The following NIPSNAP2 variants were observed in gnomAD, a reference collection of about 807,000 sequenced individuals.
The protein encoded by NIPSNAP2 is nipsnap homolog 2.
Under a neutral mutation model 48.4 loss-of-function variants are expected in NIPSNAP2, and 42 were observed. That is an observed-to-expected ratio of 0.87 (90% CI 0.68 to 1.12). The LOEUF (loss-of-function observed/expected upper bound fraction) is 1.12, where lower values mean the gene tolerates loss of function less well. NIPSNAP2 is among the 50% of genes most tolerant of loss of function. NIPSNAP2 has a pLI of 0.00. For synonymous variants in NIPSNAP2, 158 were observed against 126.6 expected, an observed-to-expected ratio of 1.25 and a Z score of -1.67; for missense variants, 314 against 347.3, an observed-to-expected ratio of 0.90 and a Z score of 0.76.
At chr7:55,970,697 A>C (rs1480534156) in intron 1 of NIPSNAP2, among the ~76,000 whole-genome samples, 1 of 152,056 alleles carries the variant, frequency 6.6e-6, no homozygotes, top group Non-Finnish European at 1.5e-5. Flanking sequence ...CGGTCCTCCC[A>C]CATGCTCTTC....
chr7:55,983,935 TGAC>T, intron 6 of NIPSNAP2, 67 bp downstream of exon 6: 1 of 1,446,570 alleles, frequency 6.9e-7, no homozygotes, highest in Non-Finnish European at 9.6e-7. Context: ...TTTGTAAGGC[TGAC>T]AACAGAACTT....
At chr7:55,998,169 G>A (rs1183458551) in intron 9 of NIPSNAP2, among the ~76,000 whole-genome samples, 1 of 151,850 alleles carries the variant, frequency 6.6e-6, no homozygotes, top group Non-Finnish European at 1.5e-5. Context: ...AGAGACTGAG[G>A]CAGGAGAATC....
chr7:55,981,627 TA>T, intron 4 of NIPSNAP2, 60 bp downstream of exon 4: 1 of 1,046,036 alleles, frequency 9.6e-7, no homozygotes, highest in Non-Finnish European at 1.5e-6. Context: ...AACACTTAAG[TA>T]ATTTTCTAAT....
chr7:55,982,667 G>T (rs2116353241), intron 5 of NIPSNAP2, among the ~76,000 whole-genome samples: 1 of 151,898 alleles, frequency 6.6e-6, no homozygotes, highest in Middle Eastern at 3.4e-3. Flanking sequence ...CAGGAGAATG[G>T]CGTGAACCCG....
intron 7 of NIPSNAP2, among the ~76,000 whole-genome samples, chr7:55,990,177 AT>A (rs557817490): frequency 9.0e-4 from 135 of 149,758 alleles, no homozygotes; most frequent in African/African-American, 2.7e-3. Context: ...GATTTATAGC[AT>A]TTTTTTTCTT....
chr7:55,988,574 T>C (rs1418998822), intron 7 of NIPSNAP2, among the ~76,000 whole-genome samples: 2 of 152,108 alleles, frequency 1.3e-5, no homozygotes, highest in African/African-American at 2.4e-5. Context: ...AGAAATTACA[T>C]GTGGGCTGGA....
chr7:55,965,675 G>A (rs1786879004), intron 1 of NIPSNAP2, among the ~76,000 whole-genome samples: 1 of 152,006 alleles, frequency 6.6e-6, no homozygotes, highest in Admixed American at 6.6e-5. Flanking sequence ...CCGCCTCCCG[G>A]GTTCAAGTAA....
intron 3 of NIPSNAP2, 118 bp downstream of exon 3, chr7:55,978,513 A>T: frequency 1.1e-6 from 1 of 942,678 alleles, no homozygotes; most frequent in Non-Finnish European, 1.6e-6. Context: ...TTGAAGCTGA[A>T]CATTCAGAGG....
chr7:55,980,703 T>C (rs1787196129), intron 3 of NIPSNAP2: 1 of 152,206 alleles, frequency 6.6e-6, no homozygotes, highest in Non-Finnish European at 1.5e-5. Flanking sequence ...GTTAAATTCA[T>C]ACACTGCCGT....
chr7:55,990,940 G>A (rs557209468), intron 7 of NIPSNAP2, among the ~76,000 whole-genome samples: 13 of 151,732 alleles, frequency 8.6e-5, no homozygotes, highest in African/African-American at 2.2e-4. Context: ...GGCGTGCACC[G>A]CCACACCTGG....
At chr7:55,984,717 CAAAAAA>C in intron 6 of NIPSNAP2, 124 bp from the exon 7 acceptor site, 64 of 491,704 alleles carry the variant, frequency 1.3e-4, no homozygotes, top group Admixed American at 2.7e-4. Context: ...GATTCTGTCT[CAAAAAA>C]AAAAAAAAAA....
chr7:55,974,269 AAAG>A (rs748448021), intron 1 of NIPSNAP2, among the ~76,000 whole-genome samples: 26,766 of 69,676 alleles, frequency 0.38, 2,762 homozygotes, highest in East Asian at 0.49. Context: ...AAAAAAAAAG[AAAG>A]AAAGAAAGAA....
rs1584344628 is a variant in NIPSNAP2, at chr7:55,981,523, T to C, written c.329T>C (p.Leu110Ser). The change falls in exon 4 of 10, where the codon TTG becomes TCG. Residue 110 changes from leucine to serine, a missense_variant. Leu to Ser is a moderately radical substitution (Grantham distance 145). This residue lies in a region of NIPSNAP2 where 198 missense variants were observed against 185.5 expected (regional missense o/e 1.07). Transcript: ENST00000322090. ...GAAGATAAACACTACCCTTGTACTT[T>C]GGTGGGGACTTGGAACACGTGGTAT... is the stretch of plus-strand genomic sequence containing the variant. The part of the protein sequence containing the change: ...IHEDKHYPCT[L>S]VGTWNTWYGE... 1.2e-6 allele frequency: 2 copies of C among 1,614,028 alleles called. No individual in the cohort carries two copies. Among genetic ancestry groups the C allele is most frequent in the South Asian group, 2.2e-5 (2 of 91,068 alleles).
intron 1 of NIPSNAP2, among the ~76,000 whole-genome samples, chr7:55,969,057 G>A (rs28393691): frequency 4.6e-5 from 7 of 151,338 alleles, no homozygotes; most frequent in Middle Eastern, 3.4e-3. Context: ...AAAAAAAAAA[G>A]AAAAAAAGAA....
At chr7:55,975,834 T>G (rs1468638960) in intron 1 of NIPSNAP2, among the ~76,000 whole-genome samples, 1 of 152,202 alleles carries the variant, frequency 6.6e-6, no homozygotes, top group Non-Finnish European at 1.5e-5. Context: ...GGTCAGGGGT[T>G]GAAGACCAGC....
At chr7:55,983,632 C>T in intron 5 of NIPSNAP2, 96 bp from the exon 6 acceptor site, 3 of 1,287,270 alleles carry the variant, frequency 2.3e-6, no homozygotes, top group South Asian at 1.4e-5. Context: ...CTGTTGATTA[C>T]CCTATTATAG....
At chr7:55,997,248 A>G in intron 8 of NIPSNAP2, 118 bp from the exon 9 acceptor site, 1 of 724,720 alleles carries the variant, frequency 1.4e-6, no homozygotes, top group Non-Finnish European at 2.4e-6. Flanking sequence ...TATATTACAC[A>G]CCTGAAGTAG....
chr7:55,995,053 G>T, intron 8 of NIPSNAP2, 65 bp downstream of exon 8: 1 of 1,323,674 alleles, frequency 7.6e-7, no homozygotes, highest in African/African-American at 1.4e-5. Flanking sequence ...GTACTGGGAA[G>T]TAGAGCACAT....
Position 55,994,951 on chromosome 7 carries a change from T to C in NIPSNAP2, c.675T>C (p.Ser225=). The change falls in exon 8 of 10, where the codon TCT becomes TCC. Residue 225 remains serine (S), a synonymous_variant. Transcript: ENST00000322090. ...ACGAAGCCGTCGGAGGATTCTTCTCTCAGATTGGGCAGCTGTACATGGTGC... is the reference window on the plus strand; with the variant it reads ...ACGAAGCCGTCGGAGGATTCTTCTCCCAGATTGGGCAGCTGTACATGGTGC... ...DGNEAVGGFF[S]QIGQLYMVHH... is the part of the protein sequence containing the mutation. The C allele has an allele frequency of 1.2e-6, 2 of 1,614,196 alleles. No individual in the cohort carries two copies. The highest frequency in any genetic ancestry group is 1.7e-6 in the Non-Finnish European group (2 of 1,180,036).
Sources: gnomAD v4.1 joint callset for allele counts (sites outside exome capture counted in the v4.1 genomes callset) on GRCh38, gnomAD v4.1.1 for gene constraint, gnomAD v4.1.1 regional missense constraint, MANE v1.5 for transcripts, NCBI Gene and HGNC (gene_info 2026-07-23, HGNC 2026-07-21) for gene names.